The following ARHGEF28 variants were observed in gnomAD, a reference collection of about 807,000 sequenced individuals.
ARHGEF28 encodes 190 kDa guanine nucleotide exchange factor.
ARHGEF28 carries 152 observed loss-of-function variants against 206.6 expected under a neutral mutation model. The ratio of observed to expected loss-of-function variants is 0.74; its 90% CI spans 0.64 to 0.84. The LOEUF (loss-of-function observed/expected upper bound fraction) is 0.84. Among genes scored for constraint, ARHGEF28 ranks in the 40% least tolerant of loss-of-function variants. ARHGEF28 has a pLI of 0.00. For synonymous variants in ARHGEF28, 763 were observed against 776.4 expected (o/e 0.98, Z 0.29); for missense variants, 2,028 against 2,073.2 (o/e 0.98, Z 0.42).
rs1758541068 is a variant in ARHGEF28 at position 73,848,994 on chromosome 5, G to A, written c.1654G>A (p.Val552Ile). The change falls in exon 13 of 36, where the codon GTT (valine) becomes ATT (isoleucine). Residue 552 changes from valine to isoleucine, a missense_variant. Physicochemically the swap from Val to Ile is conservative, Grantham distance 29. This residue lies in a region of ARHGEF28 where 1,002 missense variants were observed against 1,015.3 expected (regional missense o/e 0.99). Transcript: ENST00000513042. ...CTTTTAGGAATCACTGCTTTCTGGAGTTCGCTCACGTTCTTATTCTTGCTC... is the reference window on the plus strand; with the variant it reads ...CTTTTAGGAATCACTGCTTTCTGGAATTCGCTCACGTTCTTATTCTTGCTC... ...LQSKESLLSGVRSRSYSCSSP... is the reference protein window; with the variant it reads ...LQSKESLLSGIRSRSYSCSSP... The A allele has an allele frequency of 1.3e-6, 2 of 1,569,256 alleles. No individual in the cohort carries two copies. Among genetic ancestry groups the A allele is most frequent in the Non-Finnish European group, 1.7e-6 (2 of 1,154,626 alleles).
At chr5:73,631,697 C>T (rs371725449) in intron 1 of ARHGEF28, among the ~76,000 whole-genome samples, 1 of 152,212 alleles carries the variant, frequency 6.6e-6, no homozygotes, top group Non-Finnish European at 1.5e-5. Flanking sequence ...GGTGTGTCAA[C>T]TGCCTCCTGC....
At chr5:73,772,978 C>A (rs745638755) in intron 4 of ARHGEF28, among the ~76,000 whole-genome samples, 4 of 152,146 alleles carry the variant, frequency 2.6e-5, no homozygotes, top group Non-Finnish European at 4.4e-5. Flanking sequence ...TCATTTTGTT[C>A]TCAGTGTCCA....
intron 9 of ARHGEF28, among the ~76,000 whole-genome samples, chr5:73,805,332 G>A (rs919808762): frequency 6.6e-6 from 1 of 152,110 alleles, no homozygotes; most frequent in Non-Finnish European, 1.5e-5. Flanking sequence ...AAAACCTTGA[G>A]GTTGGGGATG....
intron 21 of ARHGEF28, among the ~76,000 whole-genome samples, chr5:73,870,628 G>A (rs554214572): frequency 6.6e-6 from 1 of 152,284 alleles, no homozygotes; most frequent in South Asian, 2.1e-4. Context: ...TGGCCTTCCA[G>A]TTTGGCTGCA....
intron 4 of ARHGEF28, among the ~76,000 whole-genome samples, chr5:73,769,501 T>C (rs1753099316): frequency 6.6e-6 from 1 of 152,248 alleles, no homozygotes; most frequent in African/African-American, 2.4e-5. Context: ...CTTTTGACAT[T>C]ATATTCATTA....
At chr5:73,828,600 C>T (rs185402680) in intron 9 of ARHGEF28, among the ~76,000 whole-genome samples, 1 of 149,268 alleles carries the variant, frequency 6.7e-6, no homozygotes, top group Non-Finnish European at 1.5e-5. Context: ...TTCCTTTTTC[C>T]TTTCTCCTTT....
chr5:73,723,477 C>T (rs1750088149), intron 2 of ARHGEF28, among the ~76,000 whole-genome samples: 1 of 152,228 alleles, frequency 6.6e-6, no homozygotes. Context: ...TGAGCCACCA[C>T]ACCCAGCCCC....
At chr5:73,766,681 T>C (rs1475349035) in intron 4 of ARHGEF28, among the ~76,000 whole-genome samples, 1 of 152,230 alleles carries the variant, frequency 6.6e-6, no homozygotes, top group African/African-American at 2.4e-5. Context: ...ACATCAGTCT[T>C]ATTAAAAAAT....
intron 2 of ARHGEF28, among the ~76,000 whole-genome samples, chr5:73,701,749 A>G (rs989820265): frequency 3.3e-5 from 5 of 152,212 alleles, no homozygotes; most frequent in South Asian, 2.1e-4. Context: ...ATCACTCAGC[A>G]TAATGCCCTT....
chr5:73,937,684 G>A (rs1046215854), intron 35 of ARHGEF28, among the ~76,000 whole-genome samples: 3 of 152,076 alleles, frequency 2.0e-5, no homozygotes, highest in Non-Finnish European at 2.9e-5. Flanking sequence ...CAGGCAATTC[G>A]ATCACAAATG....
chr5:73,627,941 G>A (rs189534530), intron 1 of ARHGEF28, among the ~76,000 whole-genome samples: 54 of 152,106 alleles, frequency 3.6e-4, no homozygotes, highest in African/African-American at 1.3e-3. Flanking sequence ...AGAACAGGTT[G>A]TATAGCAGGC....
At chr5:73,665,851 G>C (rs1745919186) in intron 1 of ARHGEF28, among the ~76,000 whole-genome samples, 1 of 152,086 alleles carries the variant, frequency 6.6e-6, no homozygotes, top group African/African-American at 2.4e-5. Context: ...TCAAACCATA[G>C]CATTCTGCCT....
At chr5:73,788,097 TA>T (rs534768297) in intron 7 of ARHGEF28, among the ~76,000 whole-genome samples, 230 of 152,264 alleles carry the variant, frequency 1.5e-3, no homozygotes, top group African/African-American at 5.2e-3. Context: ...TACTTTATTC[TA>T]GCTGAGTCAG....
rs1425726251 is a variant in ARHGEF28, at chr5:73,904,222, G to A, written c.4075G>A (p.Val1359Met). 1 of 1,613,614 alleles carries A rather than the reference G, an allele frequency of 6.2e-7. No individual in the cohort carries two copies. The highest frequency in any genetic ancestry group is 1.3e-5 in the African/African-American group (1 of 74,910). The change falls in exon 32 of 36, where the codon GTG becomes ATG. Residue 1359 changes from valine to methionine, a missense_variant and splice_region_variant. Val to Met is a conservative substitution (Grantham distance 21). Transcript: ENST00000513042. Reference protein sequence around the residue: ...DLAVSDAGEKVECRNFPGSSQ... With the variant: ...DLAVSDAGEKMECRNFPGSSQ... ...TTTTCTTGTTTTTTATGTATTTTAG[G>A]TGGAATGTAGAAATTTTCCAGGTTC...
chr5:73,690,551 A>AG (rs56926177), intron 2 of ARHGEF28, among the ~76,000 whole-genome samples: 9 of 149,038 alleles, frequency 6.0e-5, no homozygotes, highest in African/African-American at 2.0e-4. Flanking sequence ...AAAAAAAAAA[A>AG]GCCACGTGTG....
At chr5:73,805,900 T>C (rs1202043470) in intron 9 of ARHGEF28, among the ~76,000 whole-genome samples, 1 of 152,156 alleles carries the variant, frequency 6.6e-6, no homozygotes, top group Non-Finnish European at 1.5e-5. Flanking sequence ...TTATCTATCA[T>C]ATTTTATGTG....
chr5:73,705,735 C>G (rs1424831233), intron 2 of ARHGEF28, among the ~76,000 whole-genome samples: 5 of 152,184 alleles, frequency 3.3e-5, no homozygotes, highest in African/African-American at 1.2e-4. Flanking sequence ...GAAATCCAGT[C>G]TCTGGCTAGA....
At chr5:73,754,044 A>G (rs575994041) in intron 4 of ARHGEF28, among the ~76,000 whole-genome samples, 1 of 152,336 alleles carries the variant, frequency 6.6e-6, no homozygotes, top group East Asian at 1.9e-4. Flanking sequence ...TTTGTAATTT[A>G]TTAAATACAA....
chr5:73,879,420 C>G (rs1360946012), intron 22 of ARHGEF28, among the ~76,000 whole-genome samples: 5 of 152,340 alleles, frequency 3.3e-5, no homozygotes, highest in East Asian at 1.9e-4. Flanking sequence ...CTTCTTCTCT[C>G]AACTCGTCAA....
Sources: gnomAD v4.1 joint callset for allele counts (sites outside exome capture counted in the v4.1 genomes callset) on GRCh38, gnomAD v4.1.1 for gene constraint, gnomAD v4.1.1 regional missense constraint, MANE v1.5 for transcripts, NCBI Gene and HGNC (gene_info 2026-07-23, HGNC 2026-07-21) for gene names.